The following GALNT13 variants were observed in gnomAD, a reference collection of about 807,000 sequenced individuals.
GALNT13 encodes polypeptide N-acetylgalactosaminyltransferase 13.
Under a neutral mutation model 64.2 loss-of-function variants are expected in GALNT13, and 28 were observed. That is an observed-to-expected ratio of 0.44 (90% confidence interval 0.32 to 0.60). GALNT13 has a LOEUF of 0.60. Among genes scored for constraint, GALNT13 ranks in the 20% least tolerant of loss-of-function variants. The pLI is 0.05. For synonymous variants in GALNT13, 214 were observed against 224.6 expected, an observed-to-expected ratio of 0.95 and a Z score of 0.42; for missense variants, 577 against 669.8, an observed-to-expected ratio of 0.86 and a Z score of 1.53.
chr2:153,607,611 A>C, the GALNT13 span, among the ~76,000 whole-genome samples: 1 of 152,294 alleles, frequency 6.6e-6, no homozygotes, highest in African/African-American at 2.4e-5. Flanking sequence ...TATAACTTTT[A>C]CCTAAATCTT....
At chr2:153,224,588 C>G in the GALNT13 span, among the ~76,000 whole-genome samples, 5 of 152,014 alleles carry the variant, frequency 3.3e-5, no homozygotes, top group East Asian at 5.8e-4. Flanking sequence ...TAAAAATCAA[C>G]AAAATTGATA....
the GALNT13 span, among the ~76,000 whole-genome samples, chr2:153,638,132 G>A: frequency 1.3e-5 from 2 of 152,082 alleles, no homozygotes; most frequent in East Asian, 1.9e-4. Context: ...GAGGTATAAT[G>A]TATGTTTGGG....
chr2:153,532,892 C>A, the GALNT13 span, among the ~76,000 whole-genome samples: 1 of 152,094 alleles, frequency 6.6e-6, no homozygotes, highest in Non-Finnish European at 1.5e-5. Context: ...TATTTTGAAA[C>A]AACTAAAAGA....
rs1490827137 is a variant in GALNT13, at chr2:153,969,267, A to G, written c.142+24628A>G. 2.0e-5 allele frequency among the ~76,000 whole-genome samples: 3 copies of G among 151,992 alleles called. No homozygotes were observed. In the East Asian group the frequency reaches 5.8e-4, roughly 29 times the overall value. On this transcript the variant is annotated intron_variant, in intron 3 of 12. Coordinates refer to ENST00000392825, the MANE Select transcript of GALNT13 (RefSeq NM_052917.4). ...TCTAGAGAAAAATATTAATATACAC[A>G]CCCCATAATTTACCTGAAGTTAATA...
intron 1 of GALNT13, among the ~76,000 whole-genome samples, chr2:153,881,725 C>T (rs1405784632): frequency 6.6e-6 from 1 of 152,146 alleles, no homozygotes; most frequent in African/African-American, 2.4e-5. Flanking sequence ...TAATTTTGAA[C>T]TTCAATTAAT....
the GALNT13 span, among the ~76,000 whole-genome samples, chr2:153,129,487 C>T: frequency 6.6e-6 from 1 of 152,018 alleles, no homozygotes; most frequent in South Asian, 2.1e-4. Flanking sequence ...TAATAAGAAC[C>T]AATTAGGCTG....
At chr2:153,859,812 A>G in the GALNT13 span, among the ~76,000 whole-genome samples, 1 of 152,184 alleles carries the variant, frequency 6.6e-6, no homozygotes, top group African/African-American at 2.4e-5. Flanking sequence ...ATACTTTTTA[A>G]TGGAAGACTT....
At chr2:153,210,605 C>T in the GALNT13 span, among the ~76,000 whole-genome samples, 67 of 150,868 alleles carry the variant, frequency 4.4e-4, no homozygotes, top group African/African-American at 1.6e-3. Flanking sequence ...TAAACTTGGT[C>T]GGTAATTTTT....
intron 2 of GALNT13, among the ~76,000 whole-genome samples, chr2:153,922,335 TTAC>T (rs1234060584): frequency 6.6e-5 from 10 of 152,160 alleles, no homozygotes; most frequent in Non-Finnish European, 4.4e-5. Flanking sequence ...TAGAATGTAT[TTAC>T]TATGCTTTTC....
At chr2:154,072,294 A>G (rs61044177) in intron 3 of GALNT13, among the ~76,000 whole-genome samples, 7,638 of 152,168 alleles carry the variant, frequency 0.05, 377 homozygotes, top group African/African-American at 0.13. Flanking sequence ...TGTTTCAAAG[A>G]GTGATAGCAT....
chr2:153,929,009 A>G (rs188992535), intron 2 of GALNT13, among the ~76,000 whole-genome samples: 257 of 152,332 alleles, frequency 1.7e-3, no homozygotes, highest in Middle Eastern at 6.8e-3. Context: ...GTAGTTATGT[A>G]TAAAAACTAT....
At chr2:153,089,506 T>A in the GALNT13 span, among the ~76,000 whole-genome samples, 1 of 152,178 alleles carries the variant, frequency 6.6e-6, no homozygotes, top group Non-Finnish European at 1.5e-5. Context: ...CTTCTTGTGT[T>A]TGGATGTCTA....
intron 2 of GALNT13, among the ~76,000 whole-genome samples, chr2:153,915,378 C>T (rs1689258663): frequency 6.6e-6 from 1 of 152,114 alleles, no homozygotes; most frequent in Admixed American, 6.5e-5. Context: ...TGAATGAACA[C>T]ATGTTTATTT....
At chr2:153,085,780 G>A in the GALNT13 span, among the ~76,000 whole-genome samples, 1 of 152,148 alleles carries the variant, frequency 6.6e-6, no homozygotes, top group Non-Finnish European at 1.5e-5. Context: ...GCCTACTGGG[G>A]TATTGCCTAA....
At chr2:154,100,480 T>C (rs891472742) in intron 3 of GALNT13, among the ~76,000 whole-genome samples, 4 of 152,084 alleles carry the variant, frequency 2.6e-5, no homozygotes, top group African/African-American at 4.8e-5. Flanking sequence ...GTAAATGAGA[T>C]TGAGTTTTGA....
chr2:153,774,874 C>T, the GALNT13 span, among the ~76,000 whole-genome samples: 32 of 152,258 alleles, frequency 2.1e-4, no homozygotes, highest in Admixed American at 1.6e-3. Context: ...TATGCCACTG[C>T]GCTCCAACCT....
At chr2:153,081,189 T>C in the GALNT13 span, among the ~76,000 whole-genome samples, 4 of 152,220 alleles carry the variant, frequency 2.6e-5, no homozygotes, top group East Asian at 1.9e-4. Flanking sequence ...TATTTATTGA[T>C]ACATATCTCC....
chr2:153,928,487 T>G (rs1231254479), intron 2 of GALNT13, among the ~76,000 whole-genome samples: 1 of 152,104 alleles, frequency 6.6e-6, no homozygotes, highest in African/African-American at 2.4e-5. Context: ...AAATCTCTAG[T>G]TTTATATCTA....
chr2:153,379,204 G>A, the GALNT13 span, among the ~76,000 whole-genome samples: 1 of 152,138 alleles, frequency 6.6e-6, no homozygotes, highest in African/African-American at 2.4e-5. Context: ...AGTTCATGAA[G>A]TTGATTCTAA....
Sources: gnomAD v4.1 joint callset for allele counts (sites outside exome capture counted in the v4.1 genomes callset) on GRCh38, gnomAD v4.1.1 for gene constraint, MANE v1.5 for transcripts, NCBI Gene and HGNC (gene_info 2026-07-23, HGNC 2026-07-21) for gene names.